The following EPHA6 variants were observed in gnomAD, a reference collection of about 807,000 sequenced individuals.
The protein encoded by EPHA6 is EPH receptor A6, also known as ephrin type-A receptor 6.
EPHA6 carries 50 observed loss-of-function variants against 112.0 expected under a neutral mutation model. That is an observed-to-expected ratio of 0.45 (90% CI 0.36 to 0.56). The LOEUF (loss-of-function observed/expected upper bound fraction) is 0.56. Among genes scored for constraint, EPHA6 ranks in the 20% least tolerant of loss-of-function variants. The probability of loss-of-function intolerance (pLI) is 0.00; values close to 1 mark genes in which losing one functional copy is unlikely to be tolerated. For missense variants in EPHA6, 1,280 were observed against 1,417.4 expected (o/e 0.90, Z 1.56); for synonymous variants, 529 against 490.7 (o/e 1.08, Z -1.03).
chr3:97,522,918 CT>C (rs754830495), intron 10 of EPHA6, among the ~76,000 whole-genome samples: 15 of 151,878 alleles, frequency 9.9e-5, no homozygotes, highest in Non-Finnish European at 1.9e-4. Flanking sequence ...AGTCTTATCT[CT>C]TTTTTTCTTA....
intron 9 of EPHA6, among the ~76,000 whole-genome samples, chr3:97,481,917 G>A (rs1291321091): frequency 6.6e-6 from 1 of 152,178 alleles, no homozygotes; most frequent in Admixed American, 6.5e-5. Context: ...GTGCTCCTGA[G>A]GCATTTATTA....
intron 5 of EPHA6, among the ~76,000 whole-genome samples, chr3:97,324,405 T>TTTTCTTTCTTTTTC (rs2082271075): frequency 1.9e-5 from 2 of 104,492 alleles, no homozygotes; most frequent in African/African-American, 3.7e-5. Flanking sequence ...GCTTTCCTTC[T>TTTTCTTTCTTTTTC]TTTCTTTCTT....
rs1479545829 is a variant in EPHA6 at position 97,749,867 on chromosome 3, A to G, written c.*1166A>G. ...TGCTGAGCTCTTTTCGAAACCTTCTAAGAAATAAGTATGAATACTCCAAAG... is the reference window on the plus strand; with the variant it reads ...TGCTGAGCTCTTTTCGAAACCTTCTGAGAAATAAGTATGAATACTCCAAAG... On this transcript the variant is annotated 3_prime_UTR_variant, in exon 18 of 18. Coordinates refer to ENST00000389672, the MANE Select transcript of EPHA6 (RefSeq NM_001080448.3). Among the ~76,000 whole-genome samples the G allele has an allele frequency of 6.6e-6, 1 of 152,182 alleles. No homozygotes were observed. The highest frequency in any genetic ancestry group is 2.4e-5 in the African/African-American group (1 of 41,442).
intron 3 of EPHA6, among the ~76,000 whole-genome samples, chr3:97,215,770 A>G (rs1160665235): frequency 1.3e-5 from 2 of 152,176 alleles, no homozygotes; most frequent in Non-Finnish European, 2.9e-5. Flanking sequence ...AATTATAAAC[A>G]TATTTTGAAA....
At chr3:97,437,744 C>A (rs1369511972) in intron 6 of EPHA6, among the ~76,000 whole-genome samples, 1 of 152,064 alleles carries the variant, frequency 6.6e-6, no homozygotes, top group Non-Finnish European at 1.5e-5. Context: ...TCAAGTGATT[C>A]TTCTGACTCT....
At chr3:97,286,916 C>T (rs543985471) in intron 5 of EPHA6, among the ~76,000 whole-genome samples, 2 of 151,268 alleles carry the variant, frequency 1.3e-5, no homozygotes, top group East Asian at 1.9e-4. Context: ...CAATCACTTT[C>T]GTCAGTGTTT....
intron 15 of EPHA6, among the ~76,000 whole-genome samples, chr3:97,721,828 G>A (rs2034543796): frequency 6.6e-6 from 1 of 152,172 alleles, no homozygotes; most frequent in Admixed American, 6.5e-5. Context: ...TCCTAAAACT[G>A]AATTCCAGAG....
intron 14 of EPHA6, among the ~76,000 whole-genome samples, chr3:97,716,574 C>CAAAAAAAAA (rs1218426459): frequency 1.9e-4 from 7 of 37,260 alleles, no homozygotes; most frequent in African/African-American, 1.0e-3. Context: ...GACTCCGTCT[C>CAAAAAAAAA]AAAAAAAAAA....
At chr3:96,816,480 G>T (rs369415534) in intron 1 of EPHA6, among the ~76,000 whole-genome samples, 2 of 152,114 alleles carry the variant, frequency 1.3e-5, no homozygotes, top group South Asian at 4.1e-4. Flanking sequence ...GAAGGTAGAA[G>T]ATTGTTAAAA....
At chr3:97,110,378 G>T (rs1169847015) in intron 3 of EPHA6, among the ~76,000 whole-genome samples, 2 of 152,014 alleles carry the variant, frequency 1.3e-5, no homozygotes, top group Admixed American at 6.6e-5. Flanking sequence ...TGATTGTTGT[G>T]TCTGATTCAC....
At chr3:96,869,655 A>G (rs541958262) in intron 2 of EPHA6, among the ~76,000 whole-genome samples, 8 of 152,198 alleles carry the variant, frequency 5.3e-5, no homozygotes, top group African/African-American at 1.7e-4. Context: ...ATATCTCTGC[A>G]TCAGTAAGTT....
intron 3 of EPHA6, among the ~76,000 whole-genome samples, chr3:97,039,779 T>C (rs909860926): frequency 6.6e-6 from 1 of 152,054 alleles, no homozygotes; most frequent in African/African-American, 2.4e-5. Flanking sequence ...ATCCTGATGT[T>C]TTGTTACAGC....
At chr3:97,007,928 G>T (rs2043947041) in intron 3 of EPHA6, among the ~76,000 whole-genome samples, 1 of 152,030 alleles carries the variant, frequency 6.6e-6, no homozygotes, top group Non-Finnish European at 1.5e-5. Context: ...TTGAATATTG[G>T]CCTCCCACTC....
In EPHA6 at chr3:97,429,676, C is replaced by G. The variant is rs568975247; in HGVS notation, c.1732-18892C>G. ...AGTTTTACCAATTACTTTTTCCTTT[C>G]TTGGATGTACAAATCTTTAATACAC... On this transcript the variant is annotated intron_variant, in intron 6 of 17. Coordinates refer to ENST00000389672, the MANE Select transcript of EPHA6 (RefSeq NM_001080448.3). Among the ~76,000 whole-genome samples the G allele has an allele frequency of 1.4e-4, 22 of 152,174 alleles. No homozygotes were observed. In the South Asian group the frequency reaches 4.4e-3, roughly 30 times the overall value.
chr3:96,892,952 ATATGTGTGTGTGTGTG>A (rs200345712), intron 2 of EPHA6, among the ~76,000 whole-genome samples: 10,456 of 140,846 alleles, frequency 0.074, 707 homozygotes, highest in Admixed American at 0.22. Context: ...ATATATATAT[ATATGTGTGTGTGTGTG>A]TGTGTGTGTG....
At chr3:97,582,874 A>C (rs571162963) in intron 11 of EPHA6, among the ~76,000 whole-genome samples, 2 of 152,142 alleles carry the variant, frequency 1.3e-5, no homozygotes, top group South Asian at 4.2e-4. Flanking sequence ...CAAGGATGTT[A>C]TTGTATCTGT....
intron 4 of EPHA6, among the ~76,000 whole-genome samples, chr3:97,227,150 TAA>T (rs2078382164): frequency 6.6e-6 from 1 of 152,006 alleles, no homozygotes; most frequent in South Asian, 2.1e-4. Flanking sequence ...AGATTTTTTT[TAA>T]AGTTTTGTTT....
chr3:97,265,200 TC>T (rs1397596493), intron 5 of EPHA6, among the ~76,000 whole-genome samples: 1 of 152,056 alleles, frequency 6.6e-6, no homozygotes, highest in Non-Finnish European at 1.5e-5. Context: ...TATCACAAGT[TC>T]CCACTCTGGT....
At chr3:97,728,180 A>AT (rs2034865636) in intron 15 of EPHA6, among the ~76,000 whole-genome samples, 1 of 151,878 alleles carries the variant, frequency 6.6e-6, no homozygotes. Context: ...GCTTTTAGAT[A>AT]TTTTTAGTGG....
Sources: gnomAD v4.1 joint callset for allele counts (sites outside exome capture counted in the v4.1 genomes callset) on GRCh38, gnomAD v4.1.1 for gene constraint, MANE v1.5 for transcripts, NCBI Gene and HGNC (gene_info 2026-07-23, HGNC 2026-07-21) for gene names.